NHSL2: variants seen among roughly 807,000 people sequenced by gnomAD.
NHSL2 encodes the protein NHS like 2.
Under a neutral mutation model 53.4 loss-of-function variants are expected in NHSL2, and 27 were observed. The ratio of observed to expected loss-of-function variants is 0.51; its 90% CI spans 0.37 to 0.70. NHSL2 has a LOEUF of 0.70. Ranked by LOEUF, NHSL2 falls within the 30% of genes least tolerant of loss-of-function variation. The pLI, the probability that NHSL2 is intolerant of heterozygous loss-of-function variation, is 0.00. For missense variants in NHSL2, 892 were observed against 980.1 expected, an observed-to-expected ratio of 0.91 and a Z score of 1.20; for synonymous variants, 408 against 404.1, an observed-to-expected ratio of 1.01 and a Z score of -0.12.
chrX:72,134,830 C>T (rs2042342779), intron 4 of NHSL2, 126 bp downstream of exon 4: 4 of 529,888 alleles, frequency 7.5e-6, no homozygotes, highest in East Asian at 3.7e-5. Context: ...CTTGCGCTGT[C>T]ACGGTCATGG....
At chrX:72,044,623 G>A in intron 1 of NHSL2, 1 of 1,142,411 alleles carries the variant, frequency 8.8e-7, no homozygotes. Flanking sequence ...CACTAACTGT[G>A]TCCGATGCGT....
At chrX:72,046,602 C>A (rs997475586) in intron 1 of NHSL2, among the ~76,000 whole-genome samples, 4 of 111,729 alleles carry the variant, frequency 3.6e-5, no homozygotes, top group Admixed American at 2.8e-4. Flanking sequence ...AGTTGAGAGT[C>A]TGGTGGTGCT....
chrX:72,079,126 T>G (rs1216809465), intron 1 of NHSL2, among the ~76,000 whole-genome samples: 3 of 112,774 alleles, frequency 2.7e-5, no homozygotes, highest in Non-Finnish European at 5.6e-5. Context: ...TCGCCCATGC[T>G]CATTTTGCCA....
intron 1 of NHSL2, among the ~76,000 whole-genome samples, chrX:71,939,193 A>G (rs1253911064): frequency 9.0e-6 from 1 of 111,405 alleles, no homozygotes; most frequent in Non-Finnish European, 1.9e-5. Context: ...GCAGAAAGTT[A>G]GGAGGTAGAG....
intron 1 of NHSL2, among the ~76,000 whole-genome samples, chrX:71,918,131 G>A (rs1398917967): frequency 9.0e-6 from 1 of 111,562 alleles, no homozygotes; most frequent in Non-Finnish European, 1.9e-5. Flanking sequence ...CAGAGCAGGA[G>A]GGGCTCCGAG....
chrX:72,104,480 C>T (rs1321652442), intron 1 of NHSL2, among the ~76,000 whole-genome samples: 1 of 111,426 alleles, frequency 9.0e-6, no homozygotes, highest in East Asian at 2.8e-4. Context: ...GTCAGGAAAT[C>T]GGCCTCATTT....
chrX:72,025,582 C>T (rs1360512446), intron 1 of NHSL2, among the ~76,000 whole-genome samples: 6 of 112,778 alleles, frequency 5.3e-5, no homozygotes, highest in Non-Finnish European at 1.9e-5. Context: ...CATTTTGTAA[C>T]CACTGCAGCT....
intron 1 of NHSL2, among the ~76,000 whole-genome samples, chrX:71,958,527 C>T (rs978858875): frequency 5.7e-4 from 64 of 111,446 alleles, no homozygotes; most frequent in African/African-American, 2.0e-3. Flanking sequence ...GCAGTGGGGA[C>T]GAGTTGGGGG....
intron 1 of NHSL2, among the ~76,000 whole-genome samples, chrX:71,916,378 T>C (rs1196121155): frequency 8.9e-6 from 1 of 112,644 alleles, no homozygotes; most frequent in Non-Finnish European, 1.9e-5. Flanking sequence ...ACAGGCTCAC[T>C]GGCTTTGCTG....
chrX:72,060,262 A>G (rs938414478), intron 1 of NHSL2, among the ~76,000 whole-genome samples: 2 of 112,068 alleles, frequency 1.8e-5, no homozygotes. Flanking sequence ...GGAATGCCAA[A>G]GAATCCAGCA....
At chrX:71,956,982 T>TAAATCAGACC (rs931082197) in intron 1 of NHSL2, among the ~76,000 whole-genome samples, 1 of 111,835 alleles carries the variant, frequency 8.9e-6, no homozygotes, top group Admixed American at 9.4e-5. Flanking sequence ...CCTGCCCTCC[T>TAAATCAGACC]AAATCAGACC....
intron 1 of NHSL2, among the ~76,000 whole-genome samples, chrX:72,037,295 C>T (rs1473416596): frequency 2.9e-5 from 3 of 105,162 alleles, no homozygotes; most frequent in Non-Finnish European, 6.0e-5. Flanking sequence ...TGGTGGTGGG[C>T]GCCTGTAGTC....
intron 1 of NHSL2, among the ~76,000 whole-genome samples, chrX:72,113,781 A>C: frequency 8.9e-6 from 1 of 112,269 alleles, no homozygotes; most frequent in East Asian, 2.8e-4. Flanking sequence ...GGCAATTCAG[A>C]CATTTGGAAA....
Position 71,911,126 on chromosome X carries a change from G to T in NHSL2, c.39G>T (p.Leu13=), listed in dbSNP as rs1047030750. 2.8e-5 allele frequency: 31 copies of T among 1,106,236 alleles called. No individual in the cohort carries two copies. The Admixed American group carries it at 7.2e-4, about 26-fold the overall frequency. The allele number at this position is 1,106,236 out of a possible 1,213,427, so 91.2% of individuals were successfully genotyped here. A position where few individuals can be genotyped will look rare whatever the true frequency, so the allele number is the denominator to read the frequency against. ...FYRRTVVPQR[L]CPRNPPQQLA... ...GGCGCACGGTGGTACCCCAGCGCCT[G>T]TGCCCGCGCAACCCGCCGCAGCAGC... Residue 13 remains leucine (L), a synonymous_variant, in exon 1 of 8, where the codon CTG becomes CTT. Transcript: ENST00000633930.
chrX:72,103,484 T>A (rs2042012739), intron 1 of NHSL2, among the ~76,000 whole-genome samples: 2 of 111,941 alleles, frequency 1.8e-5, no homozygotes, highest in African/African-American at 6.5e-5. Flanking sequence ...TACAGGACAG[T>A]CCCATGCATT....
intron 1 of NHSL2, among the ~76,000 whole-genome samples, chrX:72,110,767 T>A (rs2042086393): frequency 1.0e-5 from 1 of 100,444 alleles, no homozygotes; most frequent in African/African-American, 3.6e-5. Context: ...AAGAGGAACT[T>A]CTAAGGTGCC....
chrX:72,119,083 A>G (rs1157594430), intron 1 of NHSL2, among the ~76,000 whole-genome samples: 1 of 112,057 alleles, frequency 8.9e-6, no homozygotes, highest in Non-Finnish European at 1.9e-5. Context: ...TCAGCCATAT[A>G]TGTATGGATT....
At chrX:71,961,964 C>T (rs755520340) in intron 1 of NHSL2, among the ~76,000 whole-genome samples, 18 of 112,307 alleles carry the variant, frequency 1.6e-4, no homozygotes, top group Non-Finnish European at 2.3e-4. Flanking sequence ...CCAGTGTGCC[C>T]GGCCATTTAT....
At chrX:72,101,477 G>A (rs1367196361) in intron 1 of NHSL2, among the ~76,000 whole-genome samples, 1 of 110,355 alleles carries the variant, frequency 9.1e-6, no homozygotes, top group African/African-American at 3.3e-5. Flanking sequence ...GCTGAGAAAT[G>A]TGATTATCTC....
Sources: gnomAD v4.1 joint callset for allele counts (sites outside exome capture counted in the v4.1 genomes callset) on GRCh38, gnomAD v4.1.1 for gene constraint, MANE v1.5 for transcripts, NCBI Gene and HGNC (gene_info 2026-07-23, HGNC 2026-07-21) for gene names.